Variants in ACAP3 observed in about 807,000 individuals in gnomAD.
ACAP3 encodes the protein arf-GAP with coiled-coil, ANK repeat and PH domain-containing protein 3.
ACAP3 carries 56 observed loss-of-function variants against 104.1 expected under a neutral mutation model. The observed-to-expected ratio is 0.54, with a 90% CI of 0.43 to 0.67. The LOEUF (loss-of-function observed/expected upper bound fraction) is 0.67. Among genes scored for constraint, ACAP3 ranks in the 30% least tolerant of loss-of-function variants. ACAP3 has a pLI of 0.00. For missense variants in ACAP3, 1,208 were observed against 1,174.9 expected (o/e 1.03, Z -0.41); for synonymous variants, 628 against 496.2 (o/e 1.27, Z -3.53).
chr1:1,294,406 A>T lies in ACAP3; in HGVS notation c.2135T>A (p.Leu712Gln). 6.3e-7 allele frequency: 1 copy of T among 1,574,862 alleles called. No homozygotes were observed. Among genetic ancestry groups the T allele is most frequent in the Non-Finnish European group, 8.6e-7 (1 of 1,165,208 alleles). ...CAGCCCCCGTGGCTCGCTCACCCCT[A>T]GCACGGCCTGCACCAGCGGCGTCTT... ...EGKTPLVQAV[L>Q]GGSLIVCEFL... The change falls in exon 21 of 24, where the codon CTA becomes CAA. Residue 712 changes from leucine to glutamine, a missense_variant. Transcript: ENST00000354700.
Position 1,293,925 on chromosome 1 carries a change from C to A in ACAP3, c.2258G>T (p.Cys753Phe). 2 of 1,568,226 alleles carry A rather than the reference C, an allele frequency of 1.3e-6. No individual in the cohort carries two copies. The highest frequency in any genetic ancestry group is 1.1e-5 in the South Asian group (1 of 88,032). Reference sequence around the variant, plus strand: ...GTCCGCGCCCCGCTTCAGGAACAGGCAAACCTGGCTGAGGGGCGAGGTCGG... The same window carrying A: ...GTCCGCGCCCCGCTTCAGGAACAGGAAAACCTGGCTGAGGGGCGAGGTCGG... The part of the protein sequence containing the change: ...ATLLGRTGQV[C>F]LFLKRGADQH... Residue 753 changes from cysteine to phenylalanine, a missense_variant, in exon 23 of 24, where the codon TGC becomes TTC. By Grantham distance (205) the Cys-to-Phe change is radical (BLOSUM62 -2). Transcript: ENST00000354700.
rs961699813 is a variant in ACAP3, at chr1:1,303,825, G to A, written c.105+261C>T. ...GTGTCACCAGCCCAGCAGAGGGGAC[G>A]GGCAGCCACCGTGGGTCGGGGACTC... is the stretch of plus-strand genomic sequence containing the variant. On this transcript the variant is annotated intron_variant, in intron 2 of 23. Coordinates refer to ENST00000354700, the MANE Select transcript of ACAP3 (RefSeq NM_030649.3). The surrounding 1 kb of genome is among the most constrained non-coding windows in gnomAD (Gnocchi z 4.0). 76 of 558,182 alleles carry A rather than the reference G, an allele frequency of 1.4e-4. No individual in the cohort carries two copies. The highest frequency in any genetic ancestry group is 4.7e-4 in the Middle Eastern group (1 of 2,110). The allele number at this position is 558,182 out of a possible 1,614,324, so 34.6% of individuals were successfully genotyped here.
In ACAP3 at chr1:1,300,560, G is replaced by T; in HGVS notation, c.471C>A (p.Leu157=). 1 of 1,612,206 alleles carries T rather than the reference G, an allele frequency of 6.2e-7. No individual in the cohort carries two copies. Among genetic ancestry groups the T allele is most frequent in the South Asian group, 1.1e-5 (1 of 91,030 alleles). ...GGCGGAAGCACTTCCTGGTGAGGGT[G>T]AGGGCCCCGGTGGCTTCCTCCACCT... ...PHEVEEATGA[L]TLTRKCFRHL... The change falls in exon 6 of 24, where the codon CTC becomes CTA. Residue 157 remains leucine, a synonymous_variant. Coordinates refer to ENST00000354700, the MANE Select transcript of ACAP3 (RefSeq NM_030649.3).
chr1:1,307,496 G>A (rs905350719), intron 1 of ACAP3: 10 of 1,239,896 alleles, frequency 8.1e-6, no homozygotes, highest in African/African-American at 3.1e-5. Context: ...TGGAGGTGCA[G>A]ACACAGAGCG....
chr1:1,303,368 TC>T lies in ACAP3; in HGVS notation c.106-88del, dbSNP rs1179976156. Reference sequence around the variant, plus strand: ...ACGGCCACTCAGAGGCAGGAAGAGCTCCCAGGGTAGGTTCCACTCAGGGCGT... The same window carrying T: ...ACGGCCACTCAGAGGCAGGAAGAGCTCCAGGGTAGGTTCCACTCAGGGCGT... On this transcript the variant is annotated intron_variant, in intron 2 of 23. Coordinates refer to ENST00000354700, the MANE Select transcript of ACAP3 (RefSeq NM_030649.3). This position sits in a 1 kb window ranked among gnomAD's most constrained non-coding sequence, Gnocchi z 4.0. 6.9e-7 allele frequency: 1 copy of T among 1,456,938 alleles called. No individual in the cohort carries two copies. The highest frequency in any genetic ancestry group is 9.2e-7 in the Non-Finnish European group (1 of 1,091,260). 90.3% of individuals were successfully genotyped at this position (1,456,938 alleles called of 1,614,324 possible). A position where few individuals can be genotyped will look rare whatever the true frequency, so the allele number is the denominator to read the frequency against.
intron 14 of ACAP3, among the ~76,000 whole-genome samples, chr1:1,297,115 A>G (rs1234062206): frequency 6.6e-6 from 1 of 151,918 alleles, no homozygotes; most frequent in Non-Finnish European, 1.5e-5. Context: ...AGGTGTGTGC[A>G]CCGGCACGGG....
intron 5 of ACAP3, among the ~76,000 whole-genome samples, chr1:1,301,258 CTTTTTT>C (rs869238177): frequency 3.8e-5 from 4 of 105,418 alleles, no homozygotes; most frequent in East Asian, 3.0e-4. Flanking sequence ...TTGGGGGTGT[CTTTTTT>C]TTTTTTTTTT....
chr1:1,301,976 G>T lies in ACAP3; in HGVS notation c.338+12C>A. The T allele has an allele frequency of 6.4e-7, 1 of 1,559,052 alleles. No homozygotes were observed. The highest frequency in any genetic ancestry group is 1.4e-5 in the African/African-American group (1 of 72,434). On this transcript the variant is annotated intron_variant, in intron 5 of 23. Transcript: ENST00000354700. ...CCTCAGTGTTCTTCCCCCAGCCCTG[G>T]GGGCCACTCACTCTTTGACAAAGCT... is the stretch of plus-strand genomic sequence containing the variant.
chr1:1,296,217 C>T lies in ACAP3; in HGVS notation c.1401G>A (p.Leu467=). Reference sequence around the variant, plus strand: ...CCAGGAGCCCCACACGCACCTTTAGCAGCTCAGGCTCCCACGAGTCCAGCG... The same window carrying T: ...CCAGGAGCCCCACACGCACCTTTAGTAGCTCAGGCTCCCACGAGTCCAGCG... The part of the protein sequence containing the change: ...SLTLDSWEPE[L]LKLMCELGNS... Residue 467 remains leucine (L), a synonymous_variant, in exon 16 of 24, where the codon CTG becomes CTA. Transcript: ENST00000354700. 1.3e-6 allele frequency: 2 copies of T among 1,574,032 alleles called. No individual in the cohort carries two copies. The highest frequency in any genetic ancestry group is 1.7e-4 in the Middle Eastern group (1 of 6,046).
chr1:1,306,912 C>T (rs1049678013), intron 1 of ACAP3, among the ~76,000 whole-genome samples: 9 of 152,206 alleles, frequency 5.9e-5, no homozygotes, highest in African/African-American at 1.7e-4. Context: ...CACTCATCGG[C>T]AGGCTACATG....
At chr1:1,302,488 C>T (rs1641486260) in intron 4 of ACAP3, among the ~76,000 whole-genome samples, 1 of 152,188 alleles carries the variant, frequency 6.6e-6, no homozygotes, top group Non-Finnish European at 1.5e-5. Context: ...AGCAAAGGGA[C>T]GGCTGAGCCA....
intron 1 of ACAP3, among the ~76,000 whole-genome samples, 185 bp downstream of exon 1, chr1:1,307,584 G>T (rs1485503928): frequency 6.6e-6 from 1 of 152,176 alleles, no homozygotes; most frequent in Non-Finnish European, 1.5e-5. Flanking sequence ...GGGCAGGAGC[G>T]TCTTTTGTTC....
chr1:1,304,365 TGCCCTCGGGGAAGAAG>T (rs1005682899), intron 1 of ACAP3: 1 of 594,586 alleles, frequency 1.7e-6, no homozygotes, highest in Non-Finnish European at 2.9e-6. Flanking sequence ...GCCGCTGCTG[TGCCCTCGGGGAAGAAG>T]GCTGGACCAG....
intron 9 of ACAP3, 139 bp downstream of exon 9, chr1:1,299,692 G>C: frequency 9.7e-7 from 1 of 1,028,718 alleles, no homozygotes; most frequent in Non-Finnish European, 1.4e-6. Flanking sequence ...GAGCAGCCTT[G>C]GTCCCCTAGA....
chr1:1,296,308 G>GA, intron 15 of ACAP3, 28 bp from the exon 16 acceptor site: 1 of 1,551,428 alleles, frequency 6.4e-7, no homozygotes, highest in South Asian at 1.2e-5. Context: ...GGATGAGTCT[G>GA]GGGGAGGCAA....
chr1:1,296,754 C>T, intron 14 of ACAP3, 121 bp from the exon 15 acceptor site: 2 of 1,054,998 alleles, frequency 1.9e-6, no homozygotes, highest in South Asian at 3.0e-5. Context: ...CACACGCCCG[C>T]ACACGCACGT....
chr1:1,296,860 C>T (rs1317502026), intron 14 of ACAP3, among the ~76,000 whole-genome samples: 10 of 152,058 alleles, frequency 6.6e-5, no homozygotes, highest in Admixed American at 5.2e-4. Flanking sequence ...CAGGTGGCGC[C>T]GAGCACACGC....
rs753712050 is a variant in ACAP3, at chr1:1,294,538, G to A, written c.2003C>T (p.Pro668Leu). 3.3e-6 allele frequency: 5 copies of A among 1,496,874 alleles called. No homozygotes were observed. The highest frequency in any genetic ancestry group is 1.5e-5 in the African/African-American group (1 of 68,828). The allele number at this position is 1,496,874 out of a possible 1,614,324, so 92.7% of individuals were successfully genotyped here. The change falls in exon 21 of 24, where the codon CCG becomes CTG. Residue 668 changes from proline to leucine, a missense_variant. By Grantham distance (98) the Pro-to-Leu change is moderately conservative. Transcript: ENST00000354700. ...CGCTGCGCGGTGCGCCAAGAGCCCC[G>A]GGTGCAGCTCGCGCACGTCCGCCAG... The part of the protein sequence containing the change: ...WGLADVRELH[P>L]GLLAHRAARA...
At chr1:1,305,701 G>A (rs909658186) in intron 1 of ACAP3, 4 of 153,120 alleles carry the variant, frequency 2.6e-5, no homozygotes, top group African/African-American at 9.7e-5. Context: ...TCAGCAGCTT[G>A]GAGGACGGGG....
Sources: gnomAD v4.1 joint callset for allele counts (sites outside exome capture counted in the v4.1 genomes callset) on GRCh38, gnomAD v4.1.1 for gene constraint, Gnocchi (gnomAD v3.1) non-coding constraint, MANE v1.5 for transcripts, NCBI Gene and HGNC (gene_info 2026-07-23, HGNC 2026-07-21) for gene names.